SVIL: variants seen among roughly 807,000 people sequenced by gnomAD.
The protein encoded by SVIL is archvillin.
A neutral mutation model predicts 240.4 loss-of-function variants in SVIL; 101 were observed. That is an observed-to-expected ratio of 0.42 (90% CI 0.36 to 0.50). The LOEUF (loss-of-function observed/expected upper bound fraction) is 0.50. Ranked by LOEUF, SVIL falls within the 20% of genes least tolerant of loss-of-function variation. The probability of loss-of-function intolerance (pLI) is 0.01; values close to 1 mark genes in which losing one functional copy is unlikely to be tolerated. For synonymous variants in SVIL, 999 were observed against 1,100.0 expected (o/e 0.91, Z 1.82); for missense variants, 2,512 against 2,818.7 (o/e 0.89, Z 2.46).
intron 6 of SVIL, among the ~76,000 whole-genome samples, chr10:29,542,922 G>A (rs1952296268): frequency 6.6e-6 from 1 of 152,112 alleles, no homozygotes; most frequent in Non-Finnish European, 1.5e-5. Context: ...CAACCCAGAA[G>A]CCAAACTAAT....
intron 2 of SVIL, among the ~76,000 whole-genome samples, chr10:29,670,066 G>T (rs1334925886): frequency 2.0e-5 from 3 of 151,700 alleles, no homozygotes; most frequent in African/African-American, 7.3e-5. Context: ...AGTGAGCCAT[G>T]ATTGCACCAC....
At chr10:29,706,119 T>C (rs1024883707) in intron 1 of SVIL, among the ~76,000 whole-genome samples, 3 of 152,206 alleles carry the variant, frequency 2.0e-5, no homozygotes, top group African/African-American at 7.2e-5. Flanking sequence ...GCAATAAACA[T>C]GTGTGTGCAT....
chr10:29,637,593 C>T (rs1200023116), upstream of SVIL, among the ~76,000 whole-genome samples: 3 of 152,320 alleles, frequency 2.0e-5, no homozygotes, highest in Non-Finnish European at 4.4e-5. Flanking sequence ...AAGAGAGACA[C>T]ATAACATAGA....
At chr10:29,486,790 T>A (rs1233334850) in intron 24 of SVIL, among the ~76,000 whole-genome samples, 4 of 152,198 alleles carry the variant, frequency 2.6e-5, no homozygotes, top group African/African-American at 9.7e-5. Context: ...ATAGGTCACA[T>A]GTGATGCTTT....
chr10:29,549,097 A>C (rs1453929971), intron 6 of SVIL, among the ~76,000 whole-genome samples: 7 of 151,384 alleles, frequency 4.6e-5, no homozygotes, highest in Non-Finnish European at 1.0e-4. Context: ...AAATGGGAGA[A>C]AATTTTCACA....
intron 1 of SVIL, among the ~76,000 whole-genome samples, chr10:29,716,121 T>A (rs1374092261): frequency 6.6e-6 from 1 of 152,210 alleles, no homozygotes; most frequent in Non-Finnish European, 1.5e-5. Flanking sequence ...ATCTACTTGG[T>A]GTCAATAAAG....
At chr10:29,544,234 G>A (rs1952428302) in intron 6 of SVIL, among the ~76,000 whole-genome samples, 1 of 152,126 alleles carries the variant, frequency 6.6e-6, no homozygotes, top group South Asian at 2.1e-4. Flanking sequence ...CGTTAAGAAT[G>A]GCTATTAACT....
intron 1 of SVIL, among the ~76,000 whole-genome samples, chr10:29,585,668 C>A (rs1293283533): frequency 2.6e-5 from 4 of 152,110 alleles, no homozygotes; most frequent in Non-Finnish European, 1.5e-5. Flanking sequence ...AATACACACA[C>A]ACACACACTC....
At chr10:29,481,321 G>A (rs527704605) in intron 28 of SVIL, among the ~76,000 whole-genome samples, 1 of 152,146 alleles carries the variant, frequency 6.6e-6, no homozygotes, top group South Asian at 2.1e-4. Flanking sequence ...AAGATAGGGA[G>A]ATGTTGGCCA....
At chr10:29,476,994 C>A (rs1027437988) in intron 29 of SVIL, among the ~76,000 whole-genome samples, 2 of 152,056 alleles carry the variant, frequency 1.3e-5, no homozygotes, top group African/African-American at 4.8e-5. Context: ...TCCCGAGTAG[C>A]TGGGATTATA....
intron 29 of SVIL, among the ~76,000 whole-genome samples, chr10:29,474,369 G>T (rs1287044061): frequency 6.6e-6 from 1 of 152,132 alleles, no homozygotes; most frequent in Non-Finnish European, 1.5e-5. Context: ...CACTCTGGGA[G>T]GACTGTTTGA....
In SVIL at chr10:29,623,857, A is replaced by G. The variant is rs541962996; in HGVS notation, c.-201+10563T>C. 3.9e-5 allele frequency among the ~76,000 whole-genome samples: 6 copies of G among 152,244 alleles called. No individual in the cohort carries two copies. The East Asian group carries it at 1.2e-3, about 29-fold the overall frequency. ...CAGAGCAAGACTCCATCTCAAAAAC[A>G]ACAACAACAAAAGAAACACAGTCAT... On this transcript the variant is annotated intron_variant, in intron 1 of 37. Transcript: ENST00000355867.
upstream of SVIL, among the ~76,000 whole-genome samples, chr10:29,638,115 G>T (rs1041241622): frequency 6.6e-6 from 1 of 152,156 alleles, no homozygotes; most frequent in Non-Finnish European, 1.5e-5. Context: ...AAGCCCTCAT[G>T]ATCACTTTGT....
At chr10:29,529,079 G>A (rs953978031) in intron 12 of SVIL, among the ~76,000 whole-genome samples, 1 of 150,344 alleles carries the variant, frequency 6.7e-6, no homozygotes, top group African/African-American at 2.5e-5. Flanking sequence ...GGGAGGTGGA[G>A]GCAGGAGAAT....
rs572136715 is a variant in SVIL at position 29,597,266 on chromosome 10, T to C, written c.-200-27954A>G. On this transcript the variant is annotated intron_variant, in intron 1 of 37. Coordinates refer to ENST00000355867, the MANE Select transcript of SVIL (RefSeq NM_021738.3). Reference sequence around the variant, plus strand: ...CACTTCCAAAGGGGAAAGAGGGCACTGAGCATGCAGAAAGCCCGCCCTGAG... The same window carrying C: ...CACTTCCAAAGGGGAAAGAGGGCACCGAGCATGCAGAAAGCCCGCCCTGAG... 2.0e-5 allele frequency among the ~76,000 whole-genome samples: 3 copies of C among 152,310 alleles called. No homozygotes were observed. In the East Asian group the frequency reaches 5.8e-4, roughly 29 times the overall value.
chr10:29,590,271 TC>T (rs1470626734), intron 1 of SVIL, among the ~76,000 whole-genome samples: 1 of 148,718 alleles, frequency 6.7e-6, no homozygotes, highest in Non-Finnish European at 1.5e-5. Flanking sequence ...AGACCTCCTG[TC>T]CCGTGGCTCC....
chr10:29,519,277 A>G (rs77669397), intron 16 of SVIL, among the ~76,000 whole-genome samples: 2 of 152,194 alleles, frequency 1.3e-5, no homozygotes, highest in African/African-American at 4.8e-5. Flanking sequence ...ATCTGAGCGC[A>G]CCGCGGTCTC....
At chr10:29,628,549 T>G (rs554112099) in intron 1 of SVIL, among the ~76,000 whole-genome samples, 133 of 152,322 alleles carry the variant, frequency 8.7e-4, no homozygotes, top group African/African-American at 3.0e-3. Flanking sequence ...ACGAGAGGCC[T>G]CTGATGAACC....
intron 29 of SVIL, among the ~76,000 whole-genome samples, chr10:29,476,779 C>A (rs746486636): frequency 1.3e-5 from 2 of 152,146 alleles, no homozygotes; most frequent in Non-Finnish European, 2.9e-5. Context: ...CAAATTTAGT[C>A]CTACATGAAA....
Sources: allele counts gnomAD v4.1 joint callset (sites outside exome capture counted in the v4.1 genomes callset), GRCh38; gene constraint gnomAD v4.1.1; transcripts MANE v1.5; gene names NCBI Gene and HGNC (gene_info 2026-07-23, HGNC 2026-07-21).